The following ARL15 variants were observed in gnomAD, a reference collection of about 807,000 sequenced individuals.
The protein encoded by ARL15 is ARF like GTPase 15, also known as ADP-ribosylation factor-like protein 15.
In ARL15, 19 loss-of-function variants were observed where a neutral mutation model predicts 25.2. The observed-to-expected ratio is 0.75, with a 90% CI of 0.53 to 1.10. ARL15 has a LOEUF of 1.10. Among genes scored for constraint, ARL15 ranks in the 50% least tolerant of loss-of-function variants. The pLI is 0.00. For missense variants in ARL15, 220 were observed against 246.0 expected (o/e 0.89, Z 0.71); for synonymous variants, 94 against 86.8 (o/e 1.08, Z -0.46).
At position 54,042,582 on chromosome 5, in the gene ARL15, G is replaced by A. The variant is rs181599609; in HGVS notation, c.462+70620C>T. Among the ~76,000 whole-genome samples, 37 of 152,262 alleles carry A rather than the reference G, an allele frequency of 2.4e-4. No individual in the cohort carries two copies. The East Asian group carries it at 7.0e-3, about 29-fold the overall frequency. ...GGACTCTTGGAGCATCTGATTGACA[G>A]GTCTCTACCCCAATCTTTCTACTCT... On this transcript the variant is annotated intron_variant, in intron 4 of 4. Coordinates refer to ENST00000504924, the MANE Select transcript of ARL15 (RefSeq NM_019087.3).
chr5:53,973,754 A>G (rs895658702), intron 4 of ARL15, among the ~76,000 whole-genome samples: 2 of 151,962 alleles, frequency 1.3e-5, no homozygotes, highest in African/African-American at 4.8e-5. Context: ...AACAAAACAA[A>G]ACAAACAAAC....
intron 1 of ARL15, among the ~76,000 whole-genome samples, chr5:54,230,514 C>T (rs576240367): frequency 1.1e-4 from 17 of 152,176 alleles, no homozygotes; most frequent in African/African-American, 3.6e-4. Flanking sequence ...CCTCAAATGC[C>T]ATGGGACTAC....
At chr5:54,031,604 A>G (rs1363695314) in intron 4 of ARL15, among the ~76,000 whole-genome samples, 3 of 152,210 alleles carry the variant, frequency 2.0e-5, no homozygotes, top group African/African-American at 7.2e-5. Context: ...TGTGTTATGG[A>G]AAGTTTATTC....
chr5:54,206,656 G>A (rs1163660115), intron 1 of ARL15, among the ~76,000 whole-genome samples: 1 of 152,090 alleles, frequency 6.6e-6, no homozygotes, highest in South Asian at 2.1e-4. Flanking sequence ...GGAGAACAAC[G>A]TTTCATAAAG....
chr5:54,110,969 G>C (rs1424146350), intron 4 of ARL15, among the ~76,000 whole-genome samples: 1 of 151,904 alleles, frequency 6.6e-6, no homozygotes, highest in Non-Finnish European at 1.5e-5. Context: ...CAAGAAATGG[G>C]AAAAATCTAG....
At chr5:54,149,500 A>C (rs1754003076) in intron 3 of ARL15, among the ~76,000 whole-genome samples, 1 of 152,200 alleles carries the variant, frequency 6.6e-6, no homozygotes, top group African/African-American at 2.4e-5. Context: ...GCAAAGTGAG[A>C]GTATGATCAT....
chr5:54,113,085 C>G, intron 4 of ARL15, 117 bp downstream of exon 4: 3 of 998,374 alleles, frequency 3.0e-6, no homozygotes, highest in Non-Finnish European at 4.3e-6. Flanking sequence ...ACTAAGGTTT[C>G]ATGTTGAAAG....
intron 1 of ARL15, chr5:54,285,232 T>C (rs1758154920): frequency 2.9e-6 from 1 of 350,664 alleles, no homozygotes; most frequent in Non-Finnish European, 4.0e-6. Context: ...GCAAAAAAGA[T>C]GTCAAAAACA....
intron 1 of ARL15, among the ~76,000 whole-genome samples, chr5:54,207,364 A>C (rs1221321206): frequency 2.6e-5 from 4 of 152,208 alleles, no homozygotes; most frequent in African/African-American, 9.7e-5. Context: ...GACAGTTACA[A>C]GCATCTAAAC....
intron 4 of ARL15, among the ~76,000 whole-genome samples, chr5:53,889,208 G>A (rs763549164): frequency 1.1e-4 from 17 of 151,830 alleles, no homozygotes; most frequent in Non-Finnish European, 1.9e-4. Flanking sequence ...AAAATAATAC[G>A]GAATTGATCC....
chr5:53,937,274 C>T (rs1746378775), intron 4 of ARL15, among the ~76,000 whole-genome samples: 1 of 149,970 alleles, frequency 6.7e-6, no homozygotes, highest in African/African-American at 2.5e-5. Flanking sequence ...GTACAAAATA[C>T]ACATGTGCAC....
chr5:54,258,355 A>G (rs1757418294), intron 1 of ARL15, among the ~76,000 whole-genome samples: 1 of 152,104 alleles, frequency 6.6e-6, no homozygotes, highest in Non-Finnish European at 1.5e-5. Context: ...TCCTCCCGTT[A>G]CAGATGGATA....
At position 53,886,433 on chromosome 5, in the gene ARL15, G is replaced by T; in HGVS notation, c.*128C>A. On this transcript the variant is annotated 3_prime_UTR_variant, in exon 5 of 5. Transcript: ENST00000504924. Reference sequence around the variant, plus strand: ...AATATTCACTTTAATAGAGAGATGAGAGTCTGAAATGACCAGAGGAAAATA... The same window carrying T: ...AATATTCACTTTAATAGAGAGATGATAGTCTGAAATGACCAGAGGAAAATA... The T allele has an allele frequency of 1.0e-6, 1 of 962,150 alleles. No homozygotes were observed. The allele number at this position is 962,150 out of a possible 1,614,324, so 59.6% of individuals were successfully genotyped here.
intron 4 of ARL15, among the ~76,000 whole-genome samples, chr5:53,931,670 T>G (rs866470034): frequency 6.6e-6 from 1 of 152,220 alleles, no homozygotes; most frequent in East Asian, 1.9e-4. Context: ...TAAAAAATTA[T>G]GTACCTTTTC....
rs757681269 is a variant in ARL15 at position 54,035,036 on chromosome 5, C to T, written c.462+78166G>A. On this transcript the variant is annotated intron_variant, in intron 4 of 4. Transcript: ENST00000504924. Reference sequence around the variant, plus strand: ...ATTCTAACAAGTCAAAACACATGCACCCTTTGAAAACGACTTCTGGCTGAG... The same window carrying T: ...ATTCTAACAAGTCAAAACACATGCATCCTTTGAAAACGACTTCTGGCTGAG... Among the ~76,000 whole-genome samples the T allele has an allele frequency of 2.8e-4, 42 of 151,878 alleles. 1 individual carries two copies. The highest frequency in any genetic ancestry group is 2.0e-4 in the Admixed American group (3 of 15,234).
chr5:54,062,077 G>A (rs566202564), intron 4 of ARL15, among the ~76,000 whole-genome samples: 7 of 152,262 alleles, frequency 4.6e-5, no homozygotes, highest in African/African-American at 1.4e-4. Flanking sequence ...ACTGGATTTC[G>A]GACTTACAAG....
chr5:54,232,644 C>T (rs1421089937), intron 1 of ARL15, among the ~76,000 whole-genome samples: 2 of 152,126 alleles, frequency 1.3e-5, no homozygotes, highest in Non-Finnish European at 2.9e-5. Flanking sequence ...ATTAAAGACG[C>T]ATGCCCACCT....
At position 53,999,448 on chromosome 5, in the gene ARL15, G is replaced by C. The variant is rs183886582; in HGVS notation, c.463-112735C>G. On this transcript the variant is annotated intron_variant, in intron 4 of 4. Coordinates refer to ENST00000504924, the MANE Select transcript of ARL15 (RefSeq NM_019087.3). Reference sequence around the variant, plus strand: ...TGCTAAAAATACAAAAAATTAGCCAGGTATGGTGGTGCGGGCCTGTAATCC... The same window carrying C: ...TGCTAAAAATACAAAAAATTAGCCACGTATGGTGGTGCGGGCCTGTAATCC... Among the ~76,000 whole-genome samples, 781 of 152,118 alleles carry C rather than the reference G, an allele frequency of 5.1e-3. 3 individuals carry two copies. The highest frequency in any genetic ancestry group is 0.011 in the Admixed American group (166 of 15,268).
At chr5:53,931,689 T>C (rs1363966479) in intron 4 of ARL15, among the ~76,000 whole-genome samples, 3 of 152,208 alleles carry the variant, frequency 2.0e-5, no homozygotes, top group Admixed American at 1.3e-4. Context: ...TCCTACATAG[T>C]ACATTGCTAC....
Sources: gnomAD v4.1 joint callset for allele counts (sites outside exome capture counted in the v4.1 genomes callset) on GRCh38, gnomAD v4.1.1 for gene constraint, MANE v1.5 for transcripts, NCBI Gene and HGNC (gene_info 2026-07-23, HGNC 2026-07-21) for gene names.